The following PPP6R2 variants were observed in gnomAD, a reference collection of about 807,000 sequenced individuals.
The protein encoded by PPP6R2 is protein phosphatase 6 regulatory subunit 2.
In PPP6R2, 62 loss-of-function variants were observed where a neutral mutation model predicts 100.2. The ratio of observed to expected loss-of-function variants is 0.62; its 90% CI spans 0.50 to 0.76. The LOEUF (loss-of-function observed/expected upper bound fraction) is 0.76, where lower values mean the gene tolerates loss of function less well. Ranked by LOEUF, PPP6R2 falls within the 30% of genes least tolerant of loss-of-function variation. The pLI is 0.00. For missense variants in PPP6R2, 1,142 were observed against 1,276.3 expected (o/e 0.89, Z 1.60); for synonymous variants, 525 against 514.7 (o/e 1.02, Z -0.27).
chr22:50,342,164 C>T (rs2042475324), upstream of PPP6R2, among the ~76,000 whole-genome samples: 1 of 152,202 alleles, frequency 6.6e-6, no homozygotes, highest in South Asian at 2.1e-4. Context: ...TCAGCAGCAC[C>T]TCCCGCTCCT....
chr22:50,394,177 C>G (rs1398979460), intron 3 of PPP6R2, 42 bp downstream of exon 3: 1 of 1,602,494 alleles, frequency 6.2e-7, no homozygotes, highest in South Asian at 1.1e-5. Context: ...CCAGGCAGTG[C>G]TGCAGGCAGG....
In PPP6R2 at chr22:50,444,331, T is replaced by A; in HGVS notation, c.*84T>A. 7.0e-7 allele frequency: 1 copy of A among 1,428,136 alleles called. No homozygotes were observed. Among genetic ancestry groups the A allele is most frequent in the East Asian group, 2.5e-5 (1 of 39,966 alleles). The allele number at this position is 1,428,136 out of a possible 1,614,324, so 88.5% of individuals were successfully genotyped here. A position where few individuals can be genotyped will look rare whatever the true frequency, so the allele number is the denominator to read the frequency against. ...CTACCTGGTGATGCAATCTTTTTTT[T>A]TTTTAATTTAATTTAATTTTAAAAT... is the stretch of plus-strand genomic sequence containing the variant. On this transcript the variant is annotated 3_prime_UTR_variant, in exon 24 of 24. Coordinates refer to ENST00000612753, the MANE Select transcript of PPP6R2 (RefSeq NM_001242898.2).
chr22:50,443,953 C>G lies in PPP6R2; in HGVS notation c.2667C>G (p.Pro889=), dbSNP rs764327277. The G allele has an allele frequency of 3.5e-5, 56 of 1,610,790 alleles. No individual in the cohort carries two copies. The highest frequency in any genetic ancestry group is 4.7e-5 in the Non-Finnish European group (56 of 1,179,118). The change falls in exon 23 of 24, where the codon CCC becomes CCG. Residue 889 remains proline (P), a synonymous_variant. Coordinates refer to ENST00000612753, the MANE Select transcript of PPP6R2 (RefSeq NM_001242898.2). ...CTGCCCCAGCCGTGGCTGTGCCCCC[C>G]GAGGCTACTGTGGCCATCACCACAG... ...VTAAPAVAVP[P]EATVAITTAL... is the part of the protein sequence containing the mutation.
chr22:50,372,696 C>CT (rs947635991), intron 2 of PPP6R2, among the ~76,000 whole-genome samples: 46 of 148,428 alleles, frequency 3.1e-4, no homozygotes, highest in African/African-American at 7.1e-4. Flanking sequence ...TTTAATTCTT[C>CT]TTTTTTTTTT....
upstream of PPP6R2, among the ~76,000 whole-genome samples, chr22:50,339,436 C>G (rs1458839890): frequency 7.1e-4 from 28 of 39,624 alleles, no homozygotes; most frequent in East Asian, 8.2e-4. Flanking sequence ...TGTGTGTTTA[C>G]GGTGTGTGTT....
chr22:50,379,713 C>G (rs1388006973), intron 2 of PPP6R2, among the ~76,000 whole-genome samples: 2 of 151,962 alleles, frequency 1.3e-5, no homozygotes, highest in African/African-American at 4.8e-5. Context: ...GACCTTGTCT[C>G]TACAAATAAT....
intron 10 of PPP6R2, among the ~76,000 whole-genome samples, chr22:50,424,529 T>C (rs2147880880): frequency 6.6e-6 from 1 of 151,412 alleles, no homozygotes. Context: ...GTGTGGAACG[T>C]CTGTCAGCGT....
chr22:50,351,891 TCATGC>T (rs1419884194), intron 1 of PPP6R2, among the ~76,000 whole-genome samples: 1 of 152,102 alleles, frequency 6.6e-6, no homozygotes, highest in Non-Finnish European at 1.5e-5. Context: ...CCTCCCAGGT[TCATGC>T]CATTCTCCTG....
chr22:50,337,623 GGTATGTGTGCT>G, the PPP6R2 span, among the ~76,000 whole-genome samples: 1 of 114,690 alleles, frequency 8.7e-6, no homozygotes, highest in East Asian at 2.3e-4. Flanking sequence ...TGCTGTGTGC[GGTATGTGTGCT>G]GTGTGGGTAT....
rs553433944 is a variant in PPP6R2, at chr22:50,350,776, C to T, written c.-148+7226C>T. Among the ~76,000 whole-genome samples, 18 of 150,174 alleles carry T rather than the reference C, an allele frequency of 1.2e-4. 1 individual carries two copies. The South Asian group carries it at 3.4e-3, about 28-fold the overall frequency. On this transcript the variant is annotated intron_variant, in intron 1 of 23. Transcript: ENST00000612753. ...AAGAGAATGGCATGAACCCAGGAGG[C>T]GCAACTTGCAGTGAGCCGAGATTGC...
chr22:50,424,402 AGTGTGTGGAAGGTCCGTCC>A (rs1569472255), intron 10 of PPP6R2, among the ~76,000 whole-genome samples: 41 of 94,804 alleles, frequency 4.3e-4, no homozygotes, highest in African/African-American at 1.4e-3. Flanking sequence ...AAGGTCCGTC[AGTGTGTGGAAGGTCCGTCC>A]GCGTGTGGAA....
At chr22:50,430,263 G>A (rs1024973919) in intron 10 of PPP6R2, among the ~76,000 whole-genome samples, 4 of 152,378 alleles carry the variant, frequency 2.6e-5, no homozygotes, top group African/African-American at 9.6e-5. Flanking sequence ...AGCCCATGCT[G>A]GTTAAGTCTG....
intron 3 of PPP6R2, among the ~76,000 whole-genome samples, chr22:50,405,947 A>G (rs960020207): frequency 1.5e-4 from 19 of 130,150 alleles, no homozygotes; most frequent in African/African-American, 5.7e-4. Context: ...GCCTGGAGAG[A>G]GGTGAGAGGC....
rs905843810 is a variant in PPP6R2, at chr22:50,416,176, G to A, written c.618+19G>A. 5.0e-6 allele frequency: 8 copies of A among 1,608,320 alleles called. No homozygotes were observed. Among genetic ancestry groups the A allele is most frequent in the African/African-American group, 1.3e-5 (1 of 74,896 alleles). ...TGAAGATGTGAGTGTGCTGCTTACC[G>A]AGCTTCGTGCATCAGTCCAGGCCTG... On this transcript the variant is annotated intron_variant, in intron 6 of 23. Coordinates refer to ENST00000612753, the MANE Select transcript of PPP6R2 (RefSeq NM_001242898.2).
Position 50,437,547 on chromosome 22 carries a change from C to T in PPP6R2, c.1725C>T (p.Phe575=). The T allele has an allele frequency of 6.5e-6, 9 of 1,384,102 alleles. No individual in the cohort carries two copies. The highest frequency in any genetic ancestry group is 8.7e-6 in the Non-Finnish European group (9 of 1,034,152). 85.7% of individuals were successfully genotyped at this position (1,384,102 alleles called of 1,614,324 possible). A position where few individuals can be genotyped will look rare whatever the true frequency, so the allele number is the denominator to read the frequency against. ...DYQIQQMTAN[F]VDQFGFNDEE... ...AGATCCAGCAGATGACAGCCAACTTCGTGGATCAGTTTGGCTTCAATGATG... is the reference window on the plus strand; with the variant it reads ...AGATCCAGCAGATGACAGCCAACTTTGTGGATCAGTTTGGCTTCAATGATG... Residue 575 remains phenylalanine, a synonymous_variant, in exon 16 of 24, where the codon TTC becomes TTT. Coordinates refer to ENST00000612753, the MANE Select transcript of PPP6R2 (RefSeq NM_001242898.2).
chr22:50,421,414 C>A (rs892133386), intron 8 of PPP6R2, among the ~76,000 whole-genome samples: 2 of 152,200 alleles, frequency 1.3e-5, no homozygotes, highest in Non-Finnish European at 2.9e-5. Context: ...ACGATCATAT[C>A]TCAGCGTGGC....
At chr22:50,348,947 T>C (rs543259236) in intron 1 of PPP6R2, among the ~76,000 whole-genome samples, 1 of 152,022 alleles carries the variant, frequency 6.6e-6, no homozygotes, top group Admixed American at 6.6e-5. Flanking sequence ...ATCCCAGCAC[T>C]TTGGGATGCT....
At chr22:50,443,794 G>C in intron 22 of PPP6R2, 72 bp from the exon 23 acceptor site, 2 of 1,495,678 alleles carry the variant, frequency 1.3e-6, no homozygotes, top group Non-Finnish European at 1.8e-6. Context: ...TGTCCAGCTG[G>C]TCCTTGGGCA....
chr22:50,444,535 T>TGGGGG lies in PPP6R2; in HGVS notation c.*289_*293dup, dbSNP rs2066615467. 6.0e-5 allele frequency: 4 copies of TGGGGG among 66,970 alleles called. No individual in the cohort carries two copies. The highest frequency in any genetic ancestry group is 1.4e-4 in the African/African-American group (1 of 7,248). 4.1% of individuals were successfully genotyped at this position (66,970 alleles called of 1,614,324 possible). On this transcript the variant is annotated 3_prime_UTR_variant, in exon 24 of 24. Transcript: ENST00000612753. ...CGGCCTGCAGGAGCCGGGGTGGGGG[T>TGGGGG]GGGGGTGGGGGGGGCAGGACCCTGA...
Sources: allele counts gnomAD v4.1 joint callset (sites outside exome capture counted in the v4.1 genomes callset), GRCh38; gene constraint gnomAD v4.1.1; transcripts MANE v1.5; gene names NCBI Gene and HGNC (gene_info 2026-07-23, HGNC 2026-07-21).